Variants in SNCAIP observed in about 807,000 individuals in gnomAD.
The protein encoded by SNCAIP is synphilin-1.
Under a neutral mutation model 86.7 loss-of-function variants are expected in SNCAIP, and 43 were observed. The observed-to-expected ratio is 0.50, with a 90% CI of 0.39 to 0.64. SNCAIP has a LOEUF of 0.64. Ranked by LOEUF, SNCAIP falls within the 30% of genes least tolerant of loss-of-function variation. The pLI, the probability that SNCAIP is intolerant of heterozygous loss-of-function variation, is 0.00. For missense variants in SNCAIP, 981 were observed against 1,103.1 expected (o/e 0.89, Z 1.57); for synonymous variants, 417 against 427.2 (o/e 0.98, Z 0.29).
intron 6 of SNCAIP, among the ~76,000 whole-genome samples, chr5:122,435,734 A>T (rs757050065): frequency 7.9e-5 from 12 of 152,160 alleles, no homozygotes; most frequent in Non-Finnish European, 1.5e-4. Context: ...AGTGGTAGAC[A>T]TGCTGGTGAG....
At chr5:122,418,723 TA>T (rs1775792580) in intron 3 of SNCAIP, among the ~76,000 whole-genome samples, 1 of 152,202 alleles carries the variant, frequency 6.6e-6, no homozygotes, top group Non-Finnish European at 1.5e-5. Flanking sequence ...TCTCACTCTG[TA>T]AATCAGGGGT....
intron 1 of SNCAIP, among the ~76,000 whole-genome samples, chr5:122,357,694 G>A (rs1223710746): frequency 6.7e-6 from 1 of 149,408 alleles, no homozygotes; most frequent in Non-Finnish European, 1.5e-5. Context: ...TTCATGGTCT[G>A]ATTAATCCAA....
chr5:122,399,150 C>T (rs1247285963), intron 2 of SNCAIP, among the ~76,000 whole-genome samples: 1 of 152,158 alleles, frequency 6.6e-6, no homozygotes, highest in African/African-American at 2.4e-5. Context: ...CTCATGTCTT[C>T]ATCTGCTGAG....
chr5:122,319,067 G>C (rs937172774), intron 1 of SNCAIP, among the ~76,000 whole-genome samples: 3 of 150,678 alleles, frequency 2.0e-5, no homozygotes, highest in African/African-American at 7.3e-5. Flanking sequence ...CGACTGCCAA[G>C]TGGCCAGACA....
chr5:122,422,562 G>A (rs1776599570), intron 3 of SNCAIP, among the ~76,000 whole-genome samples: 1 of 152,146 alleles, frequency 6.6e-6, no homozygotes, highest in South Asian at 2.1e-4. Flanking sequence ...AATATTGCCA[G>A]GGAGGTAGAT....
At chr5:122,344,643 G>T (rs371970028) in intron 1 of SNCAIP, among the ~76,000 whole-genome samples, 1 of 152,134 alleles carries the variant, frequency 6.6e-6, no homozygotes, top group Non-Finnish European at 1.5e-5. Context: ...GTCTACATTG[G>T]GTAGTTTCAC....
intron 10 of SNCAIP, among the ~76,000 whole-genome samples, chr5:122,460,558 C>T (rs1785931908): frequency 6.6e-6 from 1 of 152,114 alleles, no homozygotes. Context: ...CACCTACACA[C>T]ATGCACACAT....
chr5:122,444,601 C>T lies in SNCAIP; in HGVS notation c.1461C>T (p.Asn487=). The change falls in exon 8 of 11, where the codon AAC becomes AAT. Residue 487 remains asparagine, a synonymous_variant. Coordinates refer to ENST00000261368, the MANE Select transcript of SNCAIP (RefSeq NM_005460.4). ...VEYGANVTMQ[N]HAGEKPSQSA... The stretch of plus-strand genomic sequence containing the variant: ...ATGGAGCAAATGTCACCATGCAGAA[C>T]CACGCTGGGGAAAAGCCCTCCCAGA... 3 of 1,614,166 alleles carry T rather than the reference C, an allele frequency of 1.9e-6. No individual in the cohort carries two copies. The highest frequency in any genetic ancestry group is 2.5e-6 in the Non-Finnish European group (3 of 1,180,014).
intron 4 of SNCAIP, 73 bp from the exon 5 acceptor site, chr5:122,425,279 C>T (rs1777130267): frequency 8.7e-7 from 1 of 1,153,544 alleles, no homozygotes; most frequent in South Asian, 1.2e-5. Context: ...CTTTCCAGTG[C>T]CCAGAGAAAA....
At chr5:122,393,202 C>A (rs1279248095) in intron 2 of SNCAIP, among the ~76,000 whole-genome samples, 1 of 152,078 alleles carries the variant, frequency 6.6e-6, no homozygotes, top group Admixed American at 6.5e-5. Flanking sequence ...CTTTAACCTG[C>A]ATTTAAACTT....
intron 6 of SNCAIP, among the ~76,000 whole-genome samples, chr5:122,439,729 A>G (rs564195115): frequency 6.6e-6 from 1 of 152,322 alleles, no homozygotes; most frequent in South Asian, 2.1e-4. Context: ...ATCTTTTTAA[A>G]TGTCAAATTC....
At chr5:122,449,577 T>G (rs886914816) in intron 8 of SNCAIP, among the ~76,000 whole-genome samples, 2 of 152,190 alleles carry the variant, frequency 1.3e-5, no homozygotes, top group Non-Finnish European at 2.9e-5. Flanking sequence ...ATTATAGAAA[T>G]AATTATAATT....
chr5:122,395,533 G>T (rs567169475), intron 2 of SNCAIP, among the ~76,000 whole-genome samples: 2 of 152,178 alleles, frequency 1.3e-5, no homozygotes, highest in African/African-American at 2.4e-5. Flanking sequence ...AATTATGTGG[G>T]TTCATTTTCC....
chr5:122,378,316 T>C (rs1290285241), intron 1 of SNCAIP, among the ~76,000 whole-genome samples: 5 of 138,588 alleles, frequency 3.6e-5, no homozygotes, highest in African/African-American at 1.4e-4. Flanking sequence ...TTTCATGTGT[T>C]TTTTGGCTGC....
Position 122,464,185 on chromosome 5 carries a change from G to A in SNCAIP, c.*689G>A, listed in dbSNP as rs1012763248. The stretch of plus-strand genomic sequence containing the variant: ...TGCTCAGTTTAGCAGTTTTCCCATA[G>A]GCGTCAAATAAAACATTCTATATTT... On this transcript the variant is annotated 3_prime_UTR_variant, in exon 11 of 11. Coordinates refer to ENST00000261368, the MANE Select transcript of SNCAIP (RefSeq NM_005460.4). 2.0e-5 allele frequency: 3 copies of A among 152,100 alleles called. No individual in the cohort carries two copies. Among genetic ancestry groups the A allele is most frequent in the Admixed American group, 1.3e-4 (2 of 15,272 alleles). 9.4% of individuals were successfully genotyped at this position (152,100 alleles called of 1,614,324 possible).
chr5:122,339,903 A>G (rs1757217448), intron 1 of SNCAIP, among the ~76,000 whole-genome samples: 1 of 152,178 alleles, frequency 6.6e-6, no homozygotes, highest in African/African-American at 2.4e-5. Context: ...AGAAAAGATG[A>G]ATGAGAATGG....
intron 8 of SNCAIP, among the ~76,000 whole-genome samples, chr5:122,449,079 A>G (rs2152996520): frequency 6.6e-6 from 1 of 152,294 alleles, no homozygotes; most frequent in African/African-American, 2.4e-5. Flanking sequence ...CAATGAACAC[A>G]TCACAAATTG....
intron 3 of SNCAIP, among the ~76,000 whole-genome samples, chr5:122,404,462 C>T (rs1772534682): frequency 6.6e-6 from 1 of 152,142 alleles, no homozygotes; most frequent in African/African-American, 2.4e-5. Flanking sequence ...TAAAAAAGTA[C>T]ATTCTGAGTT....
intron 5 of SNCAIP, among the ~76,000 whole-genome samples, chr5:122,429,457 C>A (rs375003861): frequency 2.6e-4 from 37 of 142,996 alleles, no homozygotes; most frequent in South Asian, 4.5e-4. Flanking sequence ...GTAAACTGAC[C>A]AAAAAAAAAA....
Sources: allele counts gnomAD v4.1 joint callset (sites outside exome capture counted in the v4.1 genomes callset), GRCh38; gene constraint gnomAD v4.1.1; transcripts MANE v1.5; gene names NCBI Gene and HGNC (gene_info 2026-07-23, HGNC 2026-07-21).